Variants in ARHGAP32 observed in about 807,000 individuals in gnomAD.
ARHGAP32 encodes Rho GTPase activating protein 32.
In ARHGAP32, 51 loss-of-function variants were observed where a neutral mutation model predicts 186.5. That is an observed-to-expected ratio of 0.27 (90% confidence interval 0.22 to 0.35). The LOEUF (loss-of-function observed/expected upper bound fraction) is 0.35, where lower values mean the gene tolerates loss of function less well. Ranked by LOEUF, ARHGAP32 falls within the 10% of genes least tolerant of loss-of-function variation. The pLI is 1.00. For synonymous variants in ARHGAP32, 950 were observed against 964.3 expected, an observed-to-expected ratio of 0.99 and a Z score of 0.27; for missense variants, 2,186 against 2,623.5, an observed-to-expected ratio of 0.83 and a Z score of 3.64.
Position 128,980,521 on chromosome 11 carries a change from C to A in ARHGAP32, c.1976+32G>T. 1.9e-6 allele frequency: 3 copies of A among 1,538,818 alleles called. No individual in the cohort carries two copies. In the South Asian group the frequency reaches 3.7e-5, roughly 19 times the overall value. ...AATAATAGGACATAGCTATGAAAATCATATCCCAAAATAGGATTTAACAAA... is the reference window on the plus strand; with the variant it reads ...AATAATAGGACATAGCTATGAAAATAATATCCCAAAATAGGATTTAACAAA... On this transcript the variant is annotated intron_variant, in intron 18 of 22. Transcript: ENST00000682385.
At chr11:129,207,907 T>C (rs1944535074) in intron 1 of ARHGAP32, among the ~76,000 whole-genome samples, 1 of 152,168 alleles carries the variant, frequency 6.6e-6, no homozygotes, top group Non-Finnish European at 1.5e-5. Context: ...TTTAGAGGTT[T>C]TGAATGTTTC....
intron 1 of ARHGAP32, among the ~76,000 whole-genome samples, chr11:129,220,709 T>A (rs1183050258): frequency 2.0e-5 from 3 of 152,202 alleles, no homozygotes; most frequent in Admixed American, 6.5e-5. Context: ...AGTAAACTAG[T>A]TAAGACTCAG....
chr11:129,272,337 C>T (rs1226054365), intron 1 of ARHGAP32, among the ~76,000 whole-genome samples: 3 of 152,172 alleles, frequency 2.0e-5, no homozygotes, highest in Admixed American at 6.5e-5. Context: ...ATCCATCCCC[C>T]GCTAAGGTAT....
intron 11 of ARHGAP32, among the ~76,000 whole-genome samples, chr11:129,036,294 C>T (rs896040182): frequency 6.8e-6 from 1 of 146,360 alleles, no homozygotes; most frequent in Admixed American, 7.0e-5. Flanking sequence ...GCAGGAGAAT[C>T]GCTTGAACCT....
chr11:128,996,594 T>C (rs1018946758), intron 12 of ARHGAP32, among the ~76,000 whole-genome samples: 2 of 152,164 alleles, frequency 1.3e-5, no homozygotes, highest in African/African-American at 4.8e-5. Context: ...TGATGAAGTG[T>C]GAATTTTTTT....
chr11:129,162,136 G>A (rs1052999718), intron 2 of ARHGAP32, among the ~76,000 whole-genome samples: 6 of 152,018 alleles, frequency 3.9e-5, no homozygotes, highest in Admixed American at 3.3e-4. Flanking sequence ...TCACACACCG[G>A]GGCCTGTCAG....
At chr11:128,977,851 T>TTTATTATTATTATTATTATTATTATTA (rs58982581) in intron 19 of ARHGAP32, among the ~76,000 whole-genome samples, 1 of 138,968 alleles carries the variant, frequency 7.2e-6, no homozygotes. Context: ...TTATTTGCAA[T>TTTATTATTATTATTATTATTATTATTA]TTATTATTAT....
At chr11:129,188,104 C>T (rs12275648) in intron 1 of ARHGAP32, among the ~76,000 whole-genome samples, 45,277 of 151,720 alleles carry the variant, frequency 0.3, 7,105 homozygotes, top group Middle Eastern at 0.41. Context: ...TACAGGAACC[C>T]GCCACCACAC....
intron 5 of ARHGAP32, among the ~76,000 whole-genome samples, chr11:129,110,002 C>A (rs868665007): frequency 6.6e-6 from 1 of 152,038 alleles, no homozygotes; most frequent in Non-Finnish European, 1.5e-5. Flanking sequence ...TAGTTCTCAG[C>A]CATAAAATCT....
intron 5 of ARHGAP32, among the ~76,000 whole-genome samples, chr11:129,111,770 CT>C (rs1221013553): frequency 5.3e-5 from 8 of 151,916 alleles, no homozygotes; most frequent in African/African-American, 1.9e-4. Context: ...TTCCCCCTTT[CT>C]TTTTTTGAGA....
intron 11 of ARHGAP32, among the ~76,000 whole-genome samples, chr11:129,029,826 A>AAAC (rs1939034271): frequency 1.3e-5 from 2 of 149,362 alleles, no homozygotes; most frequent in South Asian, 2.1e-4. Flanking sequence ...AAAAAAAAAA[A>AAAC]CGGGTAGGAA....
At chr11:129,110,115 T>C (rs932918269) in intron 5 of ARHGAP32, among the ~76,000 whole-genome samples, 3 of 152,166 alleles carry the variant, frequency 2.0e-5, no homozygotes, top group Admixed American at 6.5e-5. Flanking sequence ...GGTTGATTGT[T>C]TTATATGATG....
intron 1 of ARHGAP32, among the ~76,000 whole-genome samples, chr11:129,187,819 G>GT (rs1944193215): frequency 2.6e-5 from 4 of 152,272 alleles, no homozygotes; most frequent in Non-Finnish European, 1.5e-5. Context: ...GACATCATAA[G>GT]TAATAGGTTA....
chr11:129,202,764 T>C (rs1438623290), intron 1 of ARHGAP32, among the ~76,000 whole-genome samples: 1 of 152,164 alleles, frequency 6.6e-6, no homozygotes, highest in Non-Finnish European at 1.5e-5. Flanking sequence ...CAACCCAATA[T>C]TTACTGTTGA....
At chr11:129,204,700 C>A (rs1944495181) in intron 1 of ARHGAP32, among the ~76,000 whole-genome samples, 1 of 152,178 alleles carries the variant, frequency 6.6e-6, no homozygotes, top group Non-Finnish European at 1.5e-5. Context: ...AAATGAGAAT[C>A]AACAATGACT....
rs1945249118 is a variant in ARHGAP32, at chr11:128,967,596, T to C, written c.*1311A>G. The C allele has an allele frequency of 6.6e-6, 1 of 152,194 alleles. No homozygotes were observed. The highest frequency in any genetic ancestry group is 1.5e-5 in the Non-Finnish European group (1 of 68,024). 9.4% of individuals were successfully genotyped at this position (152,194 alleles called of 1,614,324 possible). A position where few individuals can be genotyped will look rare whatever the true frequency, so the allele number is the denominator to read the frequency against. ...TGCAACTTTCAAAACTCGTGGGTGT[T>C]AAACATGTTTTACATGTCTCCAGAG... On this transcript the variant is annotated 3_prime_UTR_variant, in exon 23 of 23. Transcript: ENST00000682385.
intron 1 of ARHGAP32, among the ~76,000 whole-genome samples, chr11:129,254,173 G>A (rs890481687): frequency 1.3e-5 from 2 of 151,952 alleles, no homozygotes; most frequent in African/African-American, 4.8e-5. Flanking sequence ...GAAAGGGGGG[G>A]AAATATTTAT....
At chr11:129,074,060 C>G (rs1370957497) in intron 6 of ARHGAP32, among the ~76,000 whole-genome samples, 1 of 152,108 alleles carries the variant, frequency 6.6e-6, no homozygotes, top group Non-Finnish European at 1.5e-5. Flanking sequence ...TTGTGGCCAG[C>G]AGACCTGCTC....
At chr11:129,113,493 T>A (rs1452040288) in intron 5 of ARHGAP32, among the ~76,000 whole-genome samples, 1 of 152,164 alleles carries the variant, frequency 6.6e-6, no homozygotes, top group African/African-American at 2.4e-5. Context: ...GTGTATTTTA[T>A]GGTAGTAAGC....
Sources: allele counts gnomAD v4.1 joint callset (sites outside exome capture counted in the v4.1 genomes callset), GRCh38; gene constraint gnomAD v4.1.1; transcripts MANE v1.5; gene names NCBI Gene and HGNC (gene_info 2026-07-23, HGNC 2026-07-21).